Variants in LPAR5 observed in about 807,000 individuals in gnomAD.
LPAR5 encodes G protein-coupled receptor 92.
For synonymous variants in LPAR5, 271 were observed against 261.6 expected (o/e 1.04, Z -0.35); for missense variants, 544 against 521.8 (o/e 1.04, Z -0.41).
chr12:6,631,251 C>G (rs1196122411), intron 1 of LPAR5, among the ~76,000 whole-genome samples: 1 of 152,220 alleles, frequency 6.6e-6, no homozygotes, highest in Non-Finnish European at 1.5e-5. Flanking sequence ...CACAAGACCC[C>G]TAGTAACATA....
At chr12:6,627,156 G>T (rs1948947058) in intron 1 of LPAR5, among the ~76,000 whole-genome samples, 1 of 152,178 alleles carries the variant, frequency 6.6e-6, no homozygotes, top group African/African-American at 2.4e-5. Context: ...TCCAAAAGTG[G>T]TGACATAAAC....
chr12:6,627,720 A>G (rs957319797), intron 1 of LPAR5, among the ~76,000 whole-genome samples: 18 of 152,142 alleles, frequency 1.2e-4, no homozygotes, highest in Non-Finnish European at 2.4e-4. Context: ...GTAAGCTCCT[A>G]GGGTGGGAGC....
At chr12:6,630,431 A>ATTTTTTTTTTT (rs1948973723) in intron 1 of LPAR5, among the ~76,000 whole-genome samples, 1 of 80,100 alleles carries the variant, frequency 1.2e-5, no homozygotes, top group African/African-American at 5.4e-5. Flanking sequence ...CACCCAGCCC[A>ATTTTTTTTTTT]TCTTTTTTTT....
At chr12:6,622,293 G>A (rs1948902467) in intron 1 of LPAR5, among the ~76,000 whole-genome samples, 1 of 148,882 alleles carries the variant, frequency 6.7e-6, no homozygotes, top group African/African-American at 2.5e-5. Context: ...CCTGGCATAG[G>A]GGCGGGCGCC....
intron 1 of LPAR5, among the ~76,000 whole-genome samples, chr12:6,622,442 A>T (rs1037115808): frequency 6.6e-6 from 1 of 150,528 alleles, no homozygotes; most frequent in Non-Finnish European, 1.5e-5. Context: ...ATAAATAAAT[A>T]AAATAAAATA....
chr12:6,623,215 G>A (rs1411711650), intron 1 of LPAR5, among the ~76,000 whole-genome samples: 1 of 151,140 alleles, frequency 6.6e-6, no homozygotes, highest in Non-Finnish European at 1.5e-5. Flanking sequence ...TCCAGCCTGG[G>A]TAACAAAACG....
intron 1 of LPAR5, among the ~76,000 whole-genome samples, chr12:6,628,695 C>T (rs539809560): frequency 2.2e-4 from 32 of 148,408 alleles, no homozygotes; most frequent in Middle Eastern, 3.5e-3. Context: ...TGCAATGGCA[C>T]GATCTCCGCT....
chr12:6,633,708 C>T (rs931623289), intron 1 of LPAR5, among the ~76,000 whole-genome samples: 5 of 152,150 alleles, frequency 3.3e-5, no homozygotes, highest in East Asian at 3.9e-4. Context: ...CCACTGTGCC[C>T]GGCCATTCTC....
intron 1 of LPAR5, among the ~76,000 whole-genome samples, chr12:6,632,065 G>A (rs1449906490): frequency 1.3e-5 from 2 of 151,836 alleles, no homozygotes; most frequent in African/African-American, 4.8e-5. Context: ...TCTGCCTCCC[G>A]GATTCACGCG....
chr12:6,624,910 G>A (rs138975540), intron 1 of LPAR5, among the ~76,000 whole-genome samples: 48 of 152,104 alleles, frequency 3.2e-4, no homozygotes, highest in South Asian at 6.3e-4. Context: ...GTGAGCCACC[G>A]CACCTGGCCT....
At chr12:6,628,862 C>T (rs990075833) in intron 1 of LPAR5, among the ~76,000 whole-genome samples, 19 of 151,634 alleles carry the variant, frequency 1.3e-4, no homozygotes, top group South Asian at 2.1e-4. Context: ...GAACTCCCAA[C>T]CTCAGGTGAT....
Position 6,619,848 on chromosome 12 carries a change from A to G in LPAR5, c.*282T>C. Reference sequence around the variant, plus strand: ...TTTAATGCCCTGCCCACCCAAAGGCATTTCGTCCTCTTCTGCCCTCTGCAC... The same window carrying G: ...TTTAATGCCCTGCCCACCCAAAGGCGTTTCGTCCTCTTCTGCCCTCTGCAC... On this transcript the variant is annotated 3_prime_UTR_variant, in exon 2 of 2. Coordinates refer to ENST00000329858, the MANE Select transcript of LPAR5 (RefSeq NM_020400.6). The G allele has an allele frequency of 9.8e-6, 6 of 609,854 alleles. No individual in the cohort carries two copies. Among genetic ancestry groups the G allele is most frequent in the South Asian group, 9.8e-5 (6 of 61,172 alleles). 37.8% of individuals were successfully genotyped at this position (609,854 alleles called of 1,614,324 possible). A position where few individuals can be genotyped will look rare whatever the true frequency, so the allele number is the denominator to read the frequency against.
chr12:6,625,680 G>GC (rs1169479621), intron 1 of LPAR5, among the ~76,000 whole-genome samples: 1 of 148,458 alleles, frequency 6.7e-6, no homozygotes, highest in Non-Finnish European at 1.5e-5. Context: ...CCGAGTTCAC[G>GC]CCACTGCATT....
intron 1 of LPAR5, among the ~76,000 whole-genome samples, chr12:6,624,255 T>C (rs1316658999): frequency 1.3e-5 from 2 of 151,828 alleles, no homozygotes; most frequent in Non-Finnish European, 2.9e-5. Flanking sequence ...AGTGCTCCCC[T>C]AGCAGGTCTA....
chr12:6,627,807 C>T (rs1221539676), intron 1 of LPAR5, among the ~76,000 whole-genome samples: 4 of 151,924 alleles, frequency 2.6e-5, no homozygotes, highest in African/African-American at 9.7e-5. Context: ...ACAGGAAATC[C>T]ACCCTCCCCA....
chr12:6,627,032 A>G (rs1315923409), intron 1 of LPAR5, among the ~76,000 whole-genome samples: 2 of 152,206 alleles, frequency 1.3e-5, no homozygotes, highest in Non-Finnish European at 1.5e-5. Flanking sequence ...GATCATCACC[A>G]TATTTTAATT....
At chr12:6,628,366 C>T (rs1275956311) in intron 1 of LPAR5, among the ~76,000 whole-genome samples, 2 of 152,080 alleles carry the variant, frequency 1.3e-5, no homozygotes, top group Non-Finnish European at 2.9e-5. Context: ...GTAGATCCTT[C>T]CAATTAGAAA....
rs1266077078 is a variant in LPAR5, at chr12:6,620,900, C to T, written c.349G>A (p.Val117Met). Residue 117 changes from valine to methionine, a missense_variant, in exon 2 of 2, where the codon GTG (valine) becomes ATG (methionine). Transcript: ENST00000329858. This position sits in a 1 kb window ranked among gnomAD's most constrained non-coding sequence, Gnocchi z 6.8. ...TGCACGATGGCGGCGTAGCGGTCCA[C>T]GTTGATGAGCATCAGGAAGATGCAG... ...GSCIFLMLINVDRYAAIVHPL... is the reference protein window; with the variant it reads ...GSCIFLMLINMDRYAAIVHPL... 8 of 1,589,774 alleles carry T rather than the reference C, an allele frequency of 5.0e-6. No homozygotes were observed. The highest frequency in any genetic ancestry group is 4.5e-5 in the South Asian group (4 of 88,000).
At position 6,621,446 on chromosome 12, in the gene LPAR5, C is replaced by T. The variant is rs548497441; in HGVS notation, c.-198G>A. 5 of 455,340 alleles carry T rather than the reference C, an allele frequency of 1.1e-5. No homozygotes were observed. The highest frequency in any genetic ancestry group is 1.0e-4 in the African/African-American group (5 of 49,342). 28.2% of individuals were successfully genotyped at this position (455,340 alleles called of 1,614,324 possible). ...AAGGGTTGGGTGCGTTTGGTCACAG[C>T]TTCATCAGCAGCAGAGACCTGGAAT... On this transcript the variant is annotated 5_prime_UTR_variant, in exon 2 of 2. Transcript: ENST00000329858.
Sources: gnomAD v4.1 joint callset for allele counts (sites outside exome capture counted in the v4.1 genomes callset) on GRCh38, gnomAD v4.1.1 for gene constraint, Gnocchi (gnomAD v3.1) non-coding constraint, MANE v1.5 for transcripts, NCBI Gene and HGNC (gene_info 2026-07-23, HGNC 2026-07-21) for gene names.